GALNTL6: variants seen among roughly 807,000 people sequenced by gnomAD.
GALNTL6 encodes the protein polypeptide N-acetylgalactosaminyltransferase like 6.
Under a neutral mutation model 73.7 loss-of-function variants are expected in GALNTL6, and 46 were observed. The observed-to-expected ratio is 0.62, with a 90% CI of 0.49 to 0.80. GALNTL6 has a LOEUF of 0.80. GALNTL6 is among the 30% of genes least tolerant of loss of function. The probability of loss-of-function intolerance (pLI) is 0.00; values close to 1 mark genes in which losing one functional copy is unlikely to be tolerated. For missense variants in GALNTL6, 604 were observed against 755.0 expected (o/e 0.80, Z 2.34); for synonymous variants, 259 against 263.7 (o/e 0.98, Z 0.17).
intron 2 of GALNTL6, among the ~76,000 whole-genome samples, chr4:172,225,556 T>G (rs577417901): frequency 2.7e-4 from 41 of 152,134 alleles, no homozygotes; most frequent in African/African-American, 9.9e-4. Flanking sequence ...AGTTTCTGAT[T>G]TACTAGACCT....
intron 2 of GALNTL6, among the ~76,000 whole-genome samples, chr4:172,098,126 A>C (rs1732409480): frequency 6.6e-6 from 1 of 152,166 alleles, no homozygotes. Context: ...TTTCCTATGT[A>C]TTAAAAATGT....
At chr4:172,623,955 C>T (rs1015255938) in intron 5 of GALNTL6, among the ~76,000 whole-genome samples, 2 of 152,036 alleles carry the variant, frequency 1.3e-5, no homozygotes, top group African/African-American at 4.8e-5. Context: ...TTAATTCATC[C>T]AGTATAAATT....
intron 9 of GALNTL6, among the ~76,000 whole-genome samples, chr4:172,939,573 A>G (rs1748810946): frequency 6.6e-6 from 1 of 152,238 alleles, no homozygotes. Context: ...AGTGCCTACT[A>G]TGTGCCAGGC....
intron 5 of GALNTL6, among the ~76,000 whole-genome samples, chr4:172,432,939 AG>A (rs1200694819): frequency 2.0e-5 from 3 of 152,170 alleles, no homozygotes; most frequent in African/African-American, 7.2e-5. Flanking sequence ...TAATTGATCA[AG>A]CCAAGTAAAT....
intron 2 of GALNTL6, among the ~76,000 whole-genome samples, chr4:171,938,901 T>C (rs545889573): frequency 1.1e-4 from 17 of 152,208 alleles, no homozygotes; most frequent in Admixed American, 4.6e-4. Flanking sequence ...ATTGATAGCA[T>C]TTTTTAACCA....
chr4:172,510,796 C>T lies in GALNTL6; in HGVS notation c.553+162107C>T, dbSNP rs1189630054. Among the ~76,000 whole-genome samples, 6 of 55,452 alleles carry T rather than the reference C, an allele frequency of 1.1e-4. 2 individuals carry two copies. The highest frequency in any genetic ancestry group is 2.7e-4 in the African/African-American group (6 of 22,252). 36.4% of individuals were successfully genotyped at this position (55,452 alleles called of 152,430 possible). A position where few individuals can be genotyped will look rare whatever the true frequency, so the allele number is the denominator to read the frequency against. ...CTCTGCATCCCTAGGATGAAACCCA[C>T]TTGATCACGGTGAATTATCTTTTTG... On this transcript the variant is annotated intron_variant, in intron 5 of 12. Transcript: ENST00000506823.
At chr4:172,176,031 TC>T (rs1734980436) in intron 2 of GALNTL6, among the ~76,000 whole-genome samples, 1 of 152,112 alleles carries the variant, frequency 6.6e-6, no homozygotes, top group Non-Finnish European at 1.5e-5. Flanking sequence ...CACAGCCTAC[TC>T]CAAAGGACAA....
chr4:172,212,679 T>G (rs550473994), intron 2 of GALNTL6, among the ~76,000 whole-genome samples: 1 of 152,030 alleles, frequency 6.6e-6, no homozygotes, highest in African/African-American at 2.4e-5. Flanking sequence ...TTTTATTTTA[T>G]TTTTTTAGAT....
Position 172,776,384 on chromosome 4 carries a change from G to A in GALNTL6, c.554-32977G>A, listed in dbSNP as rs1345079742. Reference sequence around the variant, plus strand: ...GGAGGATCAGCAGCTGCTGCCAGAGGCCTGGCATTTTTTTCTAATATTTGT... The same window carrying A: ...GGAGGATCAGCAGCTGCTGCCAGAGACCTGGCATTTTTTTCTAATATTTGT... On this transcript the variant is annotated intron_variant, in intron 5 of 12. Transcript: ENST00000506823. Among the ~76,000 whole-genome samples the A allele has an allele frequency of 2.6e-5, 4 of 152,134 alleles. No homozygotes were observed. The East Asian group carries it at 7.7e-4, about 29-fold the overall frequency.
intron 12 of GALNTL6, among the ~76,000 whole-genome samples, chr4:173,033,385 C>CAA (rs56814083): frequency 0.048 from 6,797 of 142,394 alleles, 359 homozygotes; most frequent in African/African-American, 0.13. Flanking sequence ...TTCTAGCTGT[C>CAA]AAAAAAAAAA....
At chr4:172,977,138 A>G (rs1354562807) in intron 10 of GALNTL6, among the ~76,000 whole-genome samples, 3 of 152,230 alleles carry the variant, frequency 2.0e-5, no homozygotes, top group Non-Finnish European at 2.9e-5. Context: ...TTGTTTGATG[A>G]ACATGGAATC....
chr4:172,373,329 G>A (rs958656026), intron 5 of GALNTL6, among the ~76,000 whole-genome samples: 1 of 152,228 alleles, frequency 6.6e-6, no homozygotes, highest in Admixed American at 6.5e-5. Context: ...GTATTTGAGA[G>A]AGCAGGGAAT....
chr4:172,224,910 C>T (rs1736800895), intron 2 of GALNTL6, among the ~76,000 whole-genome samples: 1 of 152,120 alleles, frequency 6.6e-6, no homozygotes, highest in Non-Finnish European at 1.5e-5. Context: ...TCCCAGCCCT[C>T]ACTACTACAT....
At chr4:171,881,284 T>G (rs1182803333) in intron 2 of GALNTL6, among the ~76,000 whole-genome samples, 1 of 152,188 alleles carries the variant, frequency 6.6e-6, no homozygotes. Context: ...CTTTTTTATA[T>G]AGATAATTTA....
intron 3 of GALNTL6, among the ~76,000 whole-genome samples, chr4:172,279,679 TA>T (rs1299372743): frequency 1.3e-5 from 2 of 152,038 alleles, no homozygotes; most frequent in Non-Finnish European, 2.9e-5. Context: ...TAAAATAAAT[TA>T]AAAATAGAAT....
intron 5 of GALNTL6, among the ~76,000 whole-genome samples, chr4:172,708,195 C>A (rs906213974): frequency 3.9e-5 from 6 of 152,138 alleles, no homozygotes; most frequent in Admixed American, 2.0e-4. Flanking sequence ...GAACTACAGG[C>A]ACATGTTACC....
chr4:172,719,195 A>C (rs934283009), intron 5 of GALNTL6, among the ~76,000 whole-genome samples: 4 of 152,202 alleles, frequency 2.6e-5, no homozygotes, highest in African/African-American at 9.7e-5. Flanking sequence ...TAAAAACCAG[A>C]CATACTCAAA....
intron 2 of GALNTL6, among the ~76,000 whole-genome samples, chr4:171,982,448 C>A (rs374417511): frequency 1.3e-5 from 2 of 152,088 alleles, no homozygotes; most frequent in South Asian, 2.1e-4. Context: ...CAGGCGCCCG[C>A]CACCACGCCC....
intron 7 of GALNTL6, among the ~76,000 whole-genome samples, chr4:172,880,841 TCTAA>T (rs1745416635): frequency 6.6e-6 from 1 of 152,176 alleles, no homozygotes; most frequent in East Asian, 1.9e-4. Context: ...TTATTATATG[TCTAA>T]AATAACCTAA....
Sources: allele counts gnomAD v4.1 joint callset (sites outside exome capture counted in the v4.1 genomes callset), GRCh38; gene constraint gnomAD v4.1.1; transcripts MANE v1.5; gene names NCBI Gene and HGNC (gene_info 2026-07-23, HGNC 2026-07-21).